The following EML4 variants were observed in gnomAD, a reference collection of about 807,000 sequenced individuals.
EML4 encodes EMAP like 4, also known as echinoderm microtubule-associated protein-like 4.
A neutral mutation model predicts 129.0 loss-of-function variants in EML4; 72 were observed. The observed-to-expected ratio is 0.56, with a 90% CI of 0.46 to 0.68. The LOEUF (loss-of-function observed/expected upper bound fraction) is 0.68. Among genes scored for constraint, EML4 ranks in the 30% least tolerant of loss-of-function variants. The probability of loss-of-function intolerance (pLI) is 0.00; values close to 1 mark genes in which losing one functional copy is unlikely to be tolerated. For missense variants in EML4, 1,363 were observed against 1,190.6 expected (o/e 1.14, Z -2.13); for synonymous variants, 532 against 405.0 (o/e 1.31, Z -3.77).
At position 42,325,531 on chromosome 2, in the gene EML4, CG is replaced by C; in HGVS notation, c.2222del (p.Gly741GlufsTer16). On this transcript the variant is annotated frameshift_variant, in exon 20 of 23. Transcript: ENST00000318522. LOFTEE classifies it high-confidence loss of function. ...GACAACAAGTATATAATGTCTAACT[CG>C]GGAGACTATGAAATATTGTACTGTA... ...SPDNKYIMSN[S>X]GDYEILYWDI... 2 of 1,527,364 alleles carry C rather than the reference CG, an allele frequency of 1.3e-6. No homozygotes were observed. The highest frequency in any genetic ancestry group is 1.8e-6 in the Non-Finnish European group (2 of 1,116,206). 94.6% of individuals were successfully genotyped at this position (1,527,364 alleles called of 1,614,324 possible). A position where few individuals can be genotyped will look rare whatever the true frequency, so the allele number is the denominator to read the frequency against.
rs572292728 is a variant in EML4, at chr2:42,170,509, C to T, written c.25+873C>T. On this transcript the variant is annotated intron_variant, in intron 1 of 22. Transcript: ENST00000318522. Reference sequence around the variant, plus strand: ...GAGGTTATTAAATAGGCTGAAGTGCCTTTTCAGTGTTCCTTTCACCAGATG... The same window carrying T: ...GAGGTTATTAAATAGGCTGAAGTGCTTTTTCAGTGTTCCTTTCACCAGATG... Among the ~76,000 whole-genome samples the T allele has an allele frequency of 3.9e-5, 6 of 152,328 alleles. No individual in the cohort carries two copies. The East Asian group carries it at 5.8e-4, about 15-fold the overall frequency.
chr2:42,189,526 G>A (rs1671461251), intron 1 of EML4, among the ~76,000 whole-genome samples: 1 of 152,200 alleles, frequency 6.6e-6, no homozygotes, highest in Non-Finnish European at 1.5e-5. Context: ...GTGGCAATGA[G>A]CTGTGATCTT....
intron 1 of EML4, among the ~76,000 whole-genome samples, chr2:42,188,882 C>T (rs147537817): frequency 4.0e-4 from 61 of 152,226 alleles, no homozygotes; most frequent in African/African-American, 1.3e-3. Flanking sequence ...GTAATCCCAG[C>T]GCTTTGGGAG....
intron 17 of EML4, among the ~76,000 whole-genome samples, chr2:42,306,788 C>T (rs777627727): frequency 2.7e-4 from 41 of 151,716 alleles, no homozygotes; most frequent in Non-Finnish European, 5.6e-4. Context: ...TGTGAGCCAC[C>T]GCACCTGGCC....
intron 1 of EML4, among the ~76,000 whole-genome samples, chr2:42,244,448 TAG>T (rs1352787773): frequency 6.6e-6 from 1 of 152,196 alleles, no homozygotes; most frequent in Admixed American, 6.5e-5. Flanking sequence ...ACAAATACAG[TAG>T]TATAGTCTAA....
intron 11 of EML4, among the ~76,000 whole-genome samples, chr2:42,293,707 G>A (rs934303383): frequency 2.0e-5 from 3 of 152,110 alleles, no homozygotes; most frequent in African/African-American, 4.8e-5. Context: ...TGCCTCCCGG[G>A]TTCAAGCAAT....
chr2:42,274,728 G>A (rs1022358852), intron 6 of EML4, among the ~76,000 whole-genome samples: 1 of 152,138 alleles, frequency 6.6e-6, no homozygotes, highest in African/African-American at 2.4e-5. Flanking sequence ...GTTTTGATTA[G>A]GGAATATGAT....
At chr2:42,214,019 T>A (rs913241730) in intron 1 of EML4, among the ~76,000 whole-genome samples, 1 of 152,220 alleles carries the variant, frequency 6.6e-6, no homozygotes, top group African/African-American at 2.4e-5. Context: ...TCAAATATTA[T>A]GGTAAACGGT....
intron 1 of EML4, among the ~76,000 whole-genome samples, chr2:42,174,778 A>T (rs958259142): frequency 6.6e-6 from 1 of 152,094 alleles, no homozygotes; most frequent in South Asian, 2.1e-4. Context: ...ATAAATTATT[A>T]TACTTTTATA....
intron 1 of EML4, among the ~76,000 whole-genome samples, chr2:42,243,018 TC>T (rs1675141463): frequency 6.6e-6 from 1 of 152,142 alleles, no homozygotes; most frequent in African/African-American, 2.4e-5. Flanking sequence ...GATCAAGCGA[TC>T]CGCCCACCTT....
chr2:42,279,152 G>T (rs1242622231), intron 6 of EML4, among the ~76,000 whole-genome samples: 1 of 151,764 alleles, frequency 6.6e-6, no homozygotes, highest in African/African-American at 2.4e-5. Context: ...ATTGCAAGAT[G>T]TGTGTGTGTG....
chr2:42,307,502 C>A (rs1274829615), intron 17 of EML4, among the ~76,000 whole-genome samples: 2 of 152,060 alleles, frequency 1.3e-5, no homozygotes, highest in African/African-American at 4.8e-5. Flanking sequence ...CCTTGGGGAA[C>A]TTTCTCATTT....
At chr2:42,319,913 C>G (rs566603684) in intron 19 of EML4, 3 of 152,266 alleles carry the variant, frequency 2.0e-5, no homozygotes, top group African/African-American at 2.4e-5. Context: ...GGAAGTGTCA[C>G]TAATAAACTA....
chr2:42,228,026 C>T (rs1674087516), intron 1 of EML4, among the ~76,000 whole-genome samples: 1 of 152,036 alleles, frequency 6.6e-6, no homozygotes, highest in East Asian at 1.9e-4. Flanking sequence ...ACAGAAGCAG[C>T]CTGGCCAACA....
At chr2:42,173,513 GAC>G (rs1235266691) in intron 1 of EML4, among the ~76,000 whole-genome samples, 1 of 152,152 alleles carries the variant, frequency 6.6e-6, no homozygotes, top group Admixed American at 6.5e-5. Context: ...ACAAGTAAAA[GAC>G]ATGCTTTTTG....
intron 1 of EML4, among the ~76,000 whole-genome samples, chr2:42,228,336 C>G (rs1392653851): frequency 1.3e-5 from 2 of 152,146 alleles, no homozygotes; most frequent in African/African-American, 4.8e-5. Context: ...CTACATTGCT[C>G]AAGGATCGAC....
At chr2:42,276,585 G>C (rs1010513363) in intron 6 of EML4, among the ~76,000 whole-genome samples, 6 of 152,166 alleles carry the variant, frequency 3.9e-5, no homozygotes, top group Non-Finnish European at 7.3e-5. Flanking sequence ...TTGCTAAACA[G>C]TGTTTAGAGT....
At chr2:42,329,684 A>G in intron 22 of EML4, 50 bp from the exon 23 acceptor site, 1 of 1,478,974 alleles carries the variant, frequency 6.8e-7, no homozygotes, top group Non-Finnish European at 9.4e-7. Flanking sequence ...TGAAACAGGC[A>G]TGTCAAGAAT....
chr2:42,206,144 A>G (rs1672526283), intron 1 of EML4, among the ~76,000 whole-genome samples: 1 of 152,210 alleles, frequency 6.6e-6, no homozygotes, highest in African/African-American at 2.4e-5. Context: ...AGTTTCACAA[A>G]TTTGTTCCAT....
Sources: allele counts gnomAD v4.1 joint callset (sites outside exome capture counted in the v4.1 genomes callset), GRCh38; gene constraint gnomAD v4.1.1; transcripts MANE v1.5; gene names NCBI Gene and HGNC (gene_info 2026-07-23, HGNC 2026-07-21).